The following NALCN variants were observed in gnomAD, a reference collection of about 807,000 sequenced individuals.
NALCN encodes the protein sodium leak channel NALCN.
A neutral mutation model predicts 225.3 loss-of-function variants in NALCN; 111 were observed. The ratio of observed to expected loss-of-function variants is 0.49; its 90% CI spans 0.42 to 0.58. The LOEUF (loss-of-function observed/expected upper bound fraction) is 0.58, where lower values mean the gene tolerates loss of function less well. NALCN is among the 20% of genes least tolerant of loss of function. The pLI is 0.00. For missense variants in NALCN, 1,378 were observed against 2,202.4 expected (o/e 0.63, Z 7.49); for synonymous variants, 764 against 769.0 (o/e 0.99, Z 0.11).
At chr13:101,124,903 G>C (rs1403893468) in intron 17 of NALCN, among the ~76,000 whole-genome samples, 2 of 152,166 alleles carry the variant, frequency 1.3e-5, no homozygotes, top group Non-Finnish European at 2.9e-5. Flanking sequence ...TGCATTGGCT[G>C]TGCCTCACTC....
chr13:101,081,633 A>T lies in NALCN; in HGVS notation c.3779T>A (p.Ile1260Asn), dbSNP rs747917148. ...FIFVLEVTMKIIAMSPAGFWQ... is the reference protein window; with the variant it reads ...FIFVLEVTMKNIAMSPAGFWQ... Reference sequence around the variant, plus strand: ...GAAGCCAGCAGGCGACATTGCTATGATCTTCATGGTAACCTGGAGAAAAAG... The same window carrying T: ...GAAGCCAGCAGGCGACATTGCTATGTTCTTCATGGTAACCTGGAGAAAAAG... Residue 1260 changes from isoleucine to asparagine, a missense_variant, in exon 34 of 44, where the codon ATC becomes AAC. Transcript: ENST00000251127. 1.9e-6 allele frequency: 3 copies of T among 1,614,126 alleles called. No individual in the cohort carries two copies. The Admixed American group carries it at 5.0e-5, about 27-fold the overall frequency.
intron 18 of NALCN, among the ~76,000 whole-genome samples, chr13:101,121,881 G>A (rs1244169378): frequency 3.3e-5 from 5 of 151,934 alleles, no homozygotes; most frequent in African/African-American, 1.2e-4. Flanking sequence ...AAGTGGTGGA[G>A]AGCTTTTTCT....
chr13:101,060,869 A>T (rs7328013), intron 41 of NALCN, among the ~76,000 whole-genome samples: 1 of 151,930 alleles, frequency 6.6e-6, no homozygotes, highest in Non-Finnish European at 1.5e-5. Flanking sequence ...TGGAGCTAAC[A>T]TAGCTACAGT....
chr13:101,084,789 A>G (rs1460812490), intron 30 of NALCN, among the ~76,000 whole-genome samples: 1 of 152,206 alleles, frequency 6.6e-6, no homozygotes, highest in East Asian at 1.9e-4. Context: ...CACAGTAAAT[A>G]TCTATGAGGG....
intron 7 of NALCN, among the ~76,000 whole-genome samples, chr13:101,325,693 C>G (rs184264466): frequency 6.6e-6 from 1 of 152,182 alleles, no homozygotes; most frequent in African/African-American, 2.4e-5. Flanking sequence ...TAGTCACAGA[C>G]AGCTGCAAGC....
intron 30 of NALCN, among the ~76,000 whole-genome samples, chr13:101,088,902 T>C (rs1057301112): frequency 2.2e-4 from 17 of 77,174 alleles, no homozygotes; most frequent in African/African-American, 1.4e-3. Context: ...TCTTTTTTTC[T>C]TTTTTTTCTT....
At chr13:101,376,251 A>G (rs2046686796) in intron 6 of NALCN, among the ~76,000 whole-genome samples, 2 of 152,202 alleles carry the variant, frequency 1.3e-5, no homozygotes, top group Non-Finnish European at 1.5e-5. Flanking sequence ...CCATTTTGCC[A>G]CACTAAGGTT....
chr13:101,188,179 A>G (rs1292323382), intron 14 of NALCN, among the ~76,000 whole-genome samples: 1 of 152,210 alleles, frequency 6.6e-6, no homozygotes, highest in African/African-American at 2.4e-5. Flanking sequence ...TGGCATATTC[A>G]CAGTCCGCGG....
intron 17 of NALCN, among the ~76,000 whole-genome samples, chr13:101,135,740 C>T (rs2036752985): frequency 6.6e-6 from 1 of 152,186 alleles, no homozygotes; most frequent in South Asian, 2.1e-4. Context: ...ACACCATCAT[C>T]AGCAACAAAT....
chr13:101,357,551 A>G (rs941835670), intron 6 of NALCN, among the ~76,000 whole-genome samples: 5 of 152,192 alleles, frequency 3.3e-5, no homozygotes, highest in Non-Finnish European at 5.9e-5. Flanking sequence ...AAACAAATGG[A>G]AAAACATTCC....
At chr13:101,381,178 CAAG>C (rs1003200412) in intron 3 of NALCN, among the ~76,000 whole-genome samples, 6 of 151,972 alleles carry the variant, frequency 3.9e-5, no homozygotes, top group Admixed American at 3.9e-4. Flanking sequence ...CTCTGGGTGA[CAAG>C]AAGGACAATG....
chr13:101,378,712 G>A, intron 3 of NALCN, 59 bp from the exon 4 acceptor site: 3 of 1,394,028 alleles, frequency 2.2e-6, no homozygotes, highest in South Asian at 1.3e-5. Context: ...AGAACAATCT[G>A]TGGAGGAAAA....
intron 13 of NALCN, among the ~76,000 whole-genome samples, chr13:101,226,942 G>A (rs953472561): frequency 2.0e-5 from 3 of 152,098 alleles, no homozygotes; most frequent in Non-Finnish European, 2.9e-5. Flanking sequence ...CCTAGGTGCA[G>A]GAATGGCTGG....
chr13:101,171,739 G>A (rs868419862), intron 15 of NALCN, among the ~76,000 whole-genome samples: 8 of 152,184 alleles, frequency 5.3e-5, no homozygotes, highest in South Asian at 4.1e-4. Flanking sequence ...TTGGAGAGGC[G>A]GTGATGGGAA....
chr13:101,185,893 C>CT (rs200275547), intron 14 of NALCN, among the ~76,000 whole-genome samples: 8 of 151,930 alleles, frequency 5.3e-5, no homozygotes, highest in Non-Finnish European at 8.8e-5. Context: ...ACACAGACTA[C>CT]TTTTTTTTTC....
chr13:101,070,063 GTTTTTTTT>G (rs71121162), intron 37 of NALCN, among the ~76,000 whole-genome samples: 9 of 98,312 alleles, frequency 9.2e-5, no homozygotes, highest in African/African-American at 1.3e-4. Context: ...AATCATGAAT[GTTTTTTTT>G]TTTTTTTTTT....
At chr13:101,088,665 C>G (rs1384376093) in intron 30 of NALCN, among the ~76,000 whole-genome samples, 1 of 152,132 alleles carries the variant, frequency 6.6e-6, no homozygotes, top group African/African-American at 2.4e-5. Context: ...ACTATGATTC[C>G]AAAGACTGCG....
rs140610246 is a variant in NALCN, at chr13:101,099,121, T to C, written c.3162+1663A>G. On this transcript the variant is annotated intron_variant, in intron 27 of 43. Coordinates refer to ENST00000251127, the MANE Select transcript of NALCN (RefSeq NM_052867.4). Reference sequence around the variant, plus strand: ...TCCTAGCAGGCTTCATCCTGAAGTGTTATTATCTTTCTGGCCTCTGTTCAG... The same window carrying C: ...TCCTAGCAGGCTTCATCCTGAAGTGCTATTATCTTTCTGGCCTCTGTTCAG... Among the ~76,000 whole-genome samples, 652 of 150,062 alleles carry C rather than the reference T, an allele frequency of 4.3e-3. 7 individuals are homozygous for C. Among genetic ancestry groups the C allele is most frequent in the African/African-American group, 0.016 (624 of 39,540 alleles).
At chr13:101,247,727 C>T (rs915347304) in intron 11 of NALCN, among the ~76,000 whole-genome samples, 7 of 151,926 alleles carry the variant, frequency 4.6e-5, no homozygotes, top group African/African-American at 1.7e-4. Flanking sequence ...TGTGCCATGG[C>T]GGTTTGCTGC....
Sources: gnomAD v4.1 joint callset for allele counts (sites outside exome capture counted in the v4.1 genomes callset) on GRCh38, gnomAD v4.1.1 for gene constraint, MANE v1.5 for transcripts, NCBI Gene and HGNC (gene_info 2026-07-23, HGNC 2026-07-21) for gene names.